Variants in RAE1 observed in about 807,000 individuals in gnomAD.
RAE1 encodes ribonucleic acid export 1.
In RAE1, 13 loss-of-function variants were observed where a neutral mutation model predicts 52.7. That is an observed-to-expected ratio of 0.25 (90% CI 0.16 to 0.39). The LOEUF (loss-of-function observed/expected upper bound fraction) is 0.39. Among genes scored for constraint, RAE1 ranks in the 10% least tolerant of loss-of-function variants. RAE1 has a pLI of 1.00. For synonymous variants in RAE1, 164 were observed against 153.1 expected, an observed-to-expected ratio of 1.07 and a Z score of -0.52; for missense variants, 262 against 459.8, an observed-to-expected ratio of 0.57 and a Z score of 3.93.
At chr20:57,367,427 CTG>C (rs1161708370) in intron 7 of RAE1, among the ~76,000 whole-genome samples, 1 of 152,112 alleles carries the variant, frequency 6.6e-6, no homozygotes, top group Non-Finnish European at 1.5e-5. Flanking sequence ...TCTTTGGGGA[CTG>C]TTTCTGAGTG....
chr20:57,368,247 A>G (rs1568789289), intron 7 of RAE1, among the ~76,000 whole-genome samples: 1 of 152,252 alleles, frequency 6.6e-6, no homozygotes, highest in Non-Finnish European at 1.5e-5. Context: ...ACCAAGACAC[A>G]GATAAATAAA....
intron 10 of RAE1, 74 bp from the exon 11 acceptor site, chr20:57,374,533 A>AG: frequency 1.5e-6 from 2 of 1,346,758 alleles, no homozygotes; most frequent in East Asian, 4.6e-5. Context: ...TAACTCAAGC[A>AG]GGAAGTGTGC....
In RAE1 at chr20:57,373,655, T is replaced by G; in HGVS notation, c.750-8T>G. On this transcript the variant is annotated splice_polypyrimidine_tract_variant and splice_region_variant and intron_variant, in intron 9 of 11. Transcript: ENST00000395841. ...AAAGGAAGACTTACATGAACCTTTG[T>G]CTTTCAGCGCCAAAGATAACTTCAC... is the stretch of plus-strand genomic sequence containing the variant. 1 of 1,614,050 alleles carries G rather than the reference T, an allele frequency of 6.2e-7. No homozygotes were observed. Among genetic ancestry groups the G allele is most frequent in the Non-Finnish European group, 8.5e-7 (1 of 1,179,886 alleles).
chr20:57,373,356 G>C, intron 8 of RAE1, 119 bp from the exon 9 acceptor site: 1 of 886,790 alleles, frequency 1.1e-6, no homozygotes. Flanking sequence ...TATCATATTT[G>C]AGTGATTTTT....
chr20:57,376,257 C>T (rs1162221368), intron 11 of RAE1, among the ~76,000 whole-genome samples: 1 of 152,176 alleles, frequency 6.6e-6, no homozygotes, highest in African/African-American at 2.4e-5. Context: ...TTTAAAGCAA[C>T]TTTATTGAGG....
chr20:57,356,195 C>T (rs1449238395), intron 3 of RAE1, among the ~76,000 whole-genome samples: 5 of 152,124 alleles, frequency 3.3e-5, no homozygotes, highest in African/African-American at 1.2e-4. Flanking sequence ...AAAGACATAT[C>T]TCATAGATGC....
intron 1 of RAE1, 176 bp downstream of exon 1, chr20:57,351,598 C>A: frequency 1.0e-6 from 1 of 985,516 alleles, no homozygotes; most frequent in Non-Finnish European, 1.2e-6. Flanking sequence ...CCTTAGGGGT[C>A]ACCTAGGGCC....
intron 11 of RAE1, among the ~76,000 whole-genome samples, chr20:57,376,953 G>T (rs991599567): frequency 6.6e-6 from 1 of 152,150 alleles, no homozygotes; most frequent in Non-Finnish European, 1.5e-5. Flanking sequence ...CTTATTGTGG[G>T]GGTTACATAA....
At chr20:57,366,078 T>G (rs2066950148) in intron 5 of RAE1, among the ~76,000 whole-genome samples, 1 of 152,188 alleles carries the variant, frequency 6.6e-6, no homozygotes, top group East Asian at 1.9e-4. Context: ...AACATCTCAT[T>G]GATCTCTTAA....
chr20:57,373,782 C>G, intron 10 of RAE1, 44 bp downstream of exon 10: 1 of 1,572,490 alleles, frequency 6.4e-7, no homozygotes. Context: ...ATCTGGAAAC[C>G]AGACTTGGAG....
chr20:57,374,913 G>A, intron 11 of RAE1, 112 bp downstream of exon 11: 2 of 1,236,548 alleles, frequency 1.6e-6, no homozygotes, highest in Non-Finnish European at 2.3e-6. Flanking sequence ...TGTGTCCTTG[G>A]GCAGGTCACC....
intron 5 of RAE1, among the ~76,000 whole-genome samples, chr20:57,365,655 A>G (rs762629661): frequency 6.6e-5 from 10 of 152,202 alleles, no homozygotes; most frequent in Admixed American, 5.9e-4. Context: ...TTGTCTTGTC[A>G]TGGATCTTCA....
intron 7 of RAE1, among the ~76,000 whole-genome samples, chr20:57,367,984 G>T (rs986021833): frequency 1.3e-5 from 2 of 152,094 alleles, no homozygotes; most frequent in Admixed American, 1.3e-4. Flanking sequence ...CTGCCTTCCG[G>T]GTTCAAGCGA....
At chr20:57,361,825 C>T (rs1364550422) in intron 4 of RAE1, among the ~76,000 whole-genome samples, 2 of 152,182 alleles carry the variant, frequency 1.3e-5, no homozygotes, top group Non-Finnish European at 2.9e-5. Flanking sequence ...ATTTTATGGC[C>T]ATACGTTAAT....
At chr20:57,365,498 G>T in intron 5 of RAE1, 56 bp downstream of exon 5, 1 of 1,199,748 alleles carries the variant, frequency 8.3e-7, no homozygotes, top group South Asian at 1.5e-5. Flanking sequence ...GACTGTGATG[G>T]CTCTTTAAGT....
At chr20:57,361,388 G>T (rs2066890425) in intron 4 of RAE1, among the ~76,000 whole-genome samples, 1 of 152,142 alleles carries the variant, frequency 6.6e-6, no homozygotes, top group Non-Finnish European at 1.5e-5. Context: ...AGCTGTTGGG[G>T]TGTTCGTGGT....
At chr20:57,370,330 T>C (rs1396605593) in intron 8 of RAE1, among the ~76,000 whole-genome samples, 1 of 152,190 alleles carries the variant, frequency 6.6e-6, no homozygotes, top group Admixed American at 6.5e-5. Context: ...TCACTGTTCT[T>C]ACAAGAAACA....
intron 4 of RAE1, 34 bp downstream of exon 4, chr20:57,356,572 A>C: frequency 6.5e-7 from 1 of 1,534,010 alleles, no homozygotes; most frequent in Non-Finnish European, 9.0e-7. Context: ...GTTCCATTTT[A>C]CTTAAAGTAC....
At position 57,358,642 on chromosome 20, in the gene RAE1, C is replaced by CA. The variant is rs549809812; in HGVS notation, c.288+2107dup. 6.1e-4 allele frequency: 117 copies of CA among 191,996 alleles called. No homozygotes were observed. In the East Asian group the frequency reaches 0.012, roughly 20 times the overall value. The allele number at this position is 191,996 out of a possible 1,614,324, so 11.9% of individuals were successfully genotyped here. A position where few individuals can be genotyped will look rare whatever the true frequency, so the allele number is the denominator to read the frequency against. ...CATAGGACTTTAATCATTGAACAAA[C>CA]AAACTCTTAATAGCGGCTACACCAT... On this transcript the variant is annotated intron_variant, in intron 4 of 11. Coordinates refer to ENST00000395841, the MANE Select transcript of RAE1 (RefSeq NM_003610.4).
Sources: gnomAD v4.1 joint callset for allele counts (sites outside exome capture counted in the v4.1 genomes callset) on GRCh38, gnomAD v4.1.1 for gene constraint, MANE v1.5 for transcripts, NCBI Gene and HGNC (gene_info 2026-07-23, HGNC 2026-07-21) for gene names.